VPS37C: variants seen among roughly 807,000 people sequenced by gnomAD.
The protein encoded by VPS37C is VPS37C subunit of ESCRT-I.
VPS37C carries 9 observed loss-of-function variants against 16.1 expected under a neutral mutation model. The observed-to-expected ratio is 0.56, with a 90% CI of 0.34 to 0.97. The LOEUF (loss-of-function observed/expected upper bound fraction) is 0.97. VPS37C is among the 50% of genes least tolerant of loss of function. VPS37C has a pLI of 0.02. For synonymous variants in VPS37C, 207 were observed against 206.4 expected (o/e 1.00, Z -0.02); for missense variants, 479 against 472.7 (o/e 1.01, Z -0.12).
chr11:61,157,823 T>C (rs774166297), intron 1 of VPS37C, among the ~76,000 whole-genome samples: 9 of 152,230 alleles, frequency 5.9e-5, no homozygotes, highest in African/African-American at 2.2e-4. Flanking sequence ...TAGTGAGACA[T>C]GTTTAGGTCA....
chr11:61,160,109 G>C (rs1329308030), intron 1 of VPS37C, among the ~76,000 whole-genome samples: 2 of 152,080 alleles, frequency 1.3e-5, no homozygotes, highest in Non-Finnish European at 2.9e-5. Flanking sequence ...CACAGCTATT[G>C]CTACCTGCAA....
At chr11:61,133,543 G>A (rs1861310855) in intron 3 of VPS37C, among the ~76,000 whole-genome samples, 1 of 152,172 alleles carries the variant, frequency 6.6e-6, no homozygotes, top group South Asian at 2.1e-4. Flanking sequence ...CCTAGACCTT[G>A]GCCAAGCCTA....
rs556221091 is a variant in VPS37C, at chr11:61,150,885, G to A, written c.-7+10506C>T. Among the ~76,000 whole-genome samples the A allele has an allele frequency of 2.0e-5, 3 of 152,304 alleles. No individual in the cohort carries two copies. In the East Asian group the frequency reaches 5.8e-4, roughly 29 times the overall value. On this transcript the variant is annotated intron_variant, in intron 1 of 4. Transcript: ENST00000301765. ...GAGCCTCACTGTTCCATCAGTGTCA[G>A]GAACTGTGACAGGCCCTGCGTCTGA...
chr11:61,131,876 G>T lies in VPS37C; in HGVS notation c.1012C>A (p.Pro338Thr). The change falls in exon 5 of 5, where the codon CCC (proline) becomes ACC (threonine). Residue 338 changes from proline to threonine, a missense_variant. Pro to Thr is a conservative substitution (Grantham distance 38). Transcript: ENST00000301765. ...VPLQPPYPPG[P>T]APPYGFPPPP... Reference sequence around the variant, plus strand: ...GGTGGGAACCCATAGGGAGGGGCGGGCCCGGGGGGATAAGGGGGCTGCAGG... The same window carrying T: ...GGTGGGAACCCATAGGGAGGGGCGGTCCCGGGGGGATAAGGGGGCTGCAGG... 7.9e-7 allele frequency: 1 copy of T among 1,272,292 alleles called. No homozygotes were observed. The allele number at this position is 1,272,292 out of a possible 1,614,324, so 78.8% of individuals were successfully genotyped here. A position where few individuals can be genotyped will look rare whatever the true frequency, so the allele number is the denominator to read the frequency against.
Position 61,131,754 on chromosome 11 carries a change from G to C in VPS37C, c.*66C>G. On this transcript the variant is annotated 3_prime_UTR_variant, in exon 5 of 5. Transcript: ENST00000301765. Reference sequence around the variant, plus strand: ...CACTTCCAGTTGACCCTCGAATCTCGGCGATGGCTGGGCCAAAGGTTGAGC... The same window carrying C: ...CACTTCCAGTTGACCCTCGAATCTCCGCGATGGCTGGGCCAAAGGTTGAGC... 1.6e-6 allele frequency: 2 copies of C among 1,235,906 alleles called. No homozygotes were observed. The highest frequency in any genetic ancestry group is 2.0e-6 in the Non-Finnish European group (2 of 989,356). The allele number at this position is 1,235,906 out of a possible 1,614,324, so 76.6% of individuals were successfully genotyped here. A position where few individuals can be genotyped will look rare whatever the true frequency, so the allele number is the denominator to read the frequency against.
Position 61,130,584 on chromosome 11 carries a change from CCT to C in VPS37C, c.*1234_*1235del. On this transcript the variant is annotated 3_prime_UTR_variant, in exon 5 of 5. Coordinates refer to ENST00000301765, the MANE Select transcript of VPS37C (RefSeq NM_017966.5). ...AAGCAATAGCAGCTCCAGGCTCTTC[CCT>C]GAGACCTGGTTTACCTCTGGAACAA... The C allele has an allele frequency of 3.8e-6, 1 of 263,274 alleles. No individual in the cohort carries two copies. The highest frequency in any genetic ancestry group is 3.4e-5 in the South Asian group (1 of 29,160). 16.3% of individuals were successfully genotyped at this position (263,274 alleles called of 1,614,324 possible). A position where few individuals can be genotyped will look rare whatever the true frequency, so the allele number is the denominator to read the frequency against.
chr11:61,157,300 T>C (rs1853393213), intron 1 of VPS37C, among the ~76,000 whole-genome samples: 1 of 152,394 alleles, frequency 6.6e-6, no homozygotes, highest in Admixed American at 6.5e-5. Flanking sequence ...GTTTAATTTT[T>C]TGAGGAACTG....
chr11:61,140,362 G>A (rs1861454336), intron 1 of VPS37C, among the ~76,000 whole-genome samples: 1 of 152,140 alleles, frequency 6.6e-6, no homozygotes, highest in Non-Finnish European at 1.5e-5. Flanking sequence ...AAGTCCCAGT[G>A]CACTCCTCAG....
chr11:61,148,485 T>C (rs1853249515), intron 1 of VPS37C, among the ~76,000 whole-genome samples: 1 of 152,002 alleles, frequency 6.6e-6, no homozygotes, highest in Non-Finnish European at 1.5e-5. Flanking sequence ...GAGGAAATAT[T>C]TGCAGGCCTA....
intron 1 of VPS37C, among the ~76,000 whole-genome samples, chr11:61,156,524 G>A (rs752520666): frequency 3.3e-5 from 5 of 152,114 alleles, no homozygotes; most frequent in African/African-American, 7.2e-5. Context: ...GGAGGCAGTT[G>A]CAGTGAGTCA....
At chr11:61,159,547 C>A (rs1590797403) in intron 1 of VPS37C, among the ~76,000 whole-genome samples, 1 of 152,004 alleles carries the variant, frequency 6.6e-6, no homozygotes, top group Non-Finnish European at 1.5e-5. Context: ...GTAATCCTAG[C>A]ACTTTGGGAG....
intron 1 of VPS37C, among the ~76,000 whole-genome samples, chr11:61,158,425 A>G (rs77688296): frequency 0.028 from 4,194 of 152,338 alleles, 107 homozygotes; most frequent in African/African-American, 0.064. Context: ...AGAAGATGCA[A>G]TCTTCTCAAG....
Position 61,131,704 on chromosome 11 carries a change from G to C in VPS37C, c.*116C>G. On this transcript the variant is annotated 3_prime_UTR_variant, in exon 5 of 5. Coordinates refer to ENST00000301765, the MANE Select transcript of VPS37C (RefSeq NM_017966.5). ...CCCTCCAAGGCCTCTGGGTGCCGAC[G>C]CAAGTCCACAGGGAGCACCAACGCC... 1 of 1,221,840 alleles carries C rather than the reference G, an allele frequency of 8.2e-7. No homozygotes were observed. The highest frequency in any genetic ancestry group is 1.0e-6 in the Non-Finnish European group (1 of 979,030). The allele number at this position is 1,221,840 out of a possible 1,614,324, so 75.7% of individuals were successfully genotyped here.
chr11:61,150,494 C>A (rs1439047105), intron 1 of VPS37C, among the ~76,000 whole-genome samples: 1 of 152,108 alleles, frequency 6.6e-6, no homozygotes, highest in African/African-American at 2.4e-5. Flanking sequence ...ACACCTCCCT[C>A]CTCTGCCCAT....
At chr11:61,147,211 G>C (rs886937731) in intron 1 of VPS37C, among the ~76,000 whole-genome samples, 3 of 152,148 alleles carry the variant, frequency 2.0e-5, no homozygotes, top group East Asian at 1.9e-4. Flanking sequence ...CATCCCACAA[G>C]AATCCTGGAG....
At chr11:61,153,914 T>C (rs1382328489) in intron 1 of VPS37C, among the ~76,000 whole-genome samples, 2 of 152,028 alleles carry the variant, frequency 1.3e-5, no homozygotes, top group African/African-American at 4.8e-5. Flanking sequence ...GAAACAGAAA[T>C]AGTCTTGCGT....
chr11:61,143,185 A>G (rs886762273), intron 1 of VPS37C, among the ~76,000 whole-genome samples: 3 of 151,644 alleles, frequency 2.0e-5, no homozygotes, highest in Admixed American at 1.3e-4. Context: ...GTGGGCGTCA[A>G]TATCACCCCC....
In VPS37C at chr11:61,134,215, G is replaced by T; in HGVS notation, c.94-8C>A. The T allele has an allele frequency of 6.2e-7, 1 of 1,606,972 alleles. No homozygotes were observed. The highest frequency in any genetic ancestry group is 8.5e-7 in the Non-Finnish European group (1 of 1,174,768). On this transcript the variant is annotated splice_region_variant and splice_polypyrimidine_tract_variant and intron_variant, in intron 2 of 4. Coordinates refer to ENST00000301765, the MANE Select transcript of VPS37C (RefSeq NM_017966.5). Reference sequence around the variant, plus strand: ...CAGCTGTAGGTCCTGGACCTAAAAGGGCAGGACAACAGAACCTAAGGAAAA... The same window carrying T: ...CAGCTGTAGGTCCTGGACCTAAAAGTGCAGGACAACAGAACCTAAGGAAAA...
chr11:61,130,881 G>T lies in VPS37C; in HGVS notation c.*939C>A, dbSNP rs1236998596. ...GGTGGGAGGATTACATCAACAGAGT[G>T]AGAAGGGGAGGGGAAGGGAGGGGGC... On this transcript the variant is annotated 3_prime_UTR_variant, in exon 5 of 5. Coordinates refer to ENST00000301765, the MANE Select transcript of VPS37C (RefSeq NM_017966.5). 2.5e-6 allele frequency: 1 copy of T among 404,596 alleles called. No homozygotes were observed. The highest frequency in any genetic ancestry group is 1.0e-4 in the East Asian group (1 of 9,596). The allele number at this position is 404,596 out of a possible 1,614,324, so 25.1% of individuals were successfully genotyped here.
Sources: gnomAD v4.1 joint callset for allele counts (sites outside exome capture counted in the v4.1 genomes callset) on GRCh38, gnomAD v4.1.1 for gene constraint, MANE v1.5 for transcripts, NCBI Gene and HGNC (gene_info 2026-07-23, HGNC 2026-07-21) for gene names.